PRIM2: variants seen among roughly 807,000 people sequenced by gnomAD.
PRIM2 encodes DNA primase subunit 2.
In PRIM2, 39 loss-of-function variants were observed where a neutral mutation model predicts 67.3. The ratio of observed to expected loss-of-function variants is 0.58; its 90% confidence interval spans 0.45 to 0.76. The LOEUF (loss-of-function observed/expected upper bound fraction) is 0.76. PRIM2 is among the 30% of genes least tolerant of loss of function. The pLI, the probability that PRIM2 is intolerant of heterozygous loss-of-function variation, is 0.00. For synonymous variants in PRIM2, 143 were observed against 198.7 expected, an observed-to-expected ratio of 0.72 and a Z score of 2.36; for missense variants, 398 against 598.7, an observed-to-expected ratio of 0.66 and a Z score of 3.50.
At chr6:57,529,032 C>T (rs1263302047) in intron 8 of PRIM2, among the ~76,000 whole-genome samples, 22 of 152,246 alleles carry the variant, frequency 1.4e-4, no homozygotes, top group Admixed American at 2.0e-4. Flanking sequence ...AAAAACCAGC[C>T]GGGCGCAGTG....
the PRIM2 span, among the ~76,000 whole-genome samples, chr6:57,237,248 T>G: frequency 6.6e-6 from 1 of 152,226 alleles, no homozygotes; most frequent in African/African-American, 2.4e-5. Context: ...CTTTGCCCAC[T>G]TCTTGATGTG....
At chr6:57,420,710 T>C (rs1771435201) in intron 7 of PRIM2, among the ~76,000 whole-genome samples, 1 of 152,162 alleles carries the variant, frequency 6.6e-6, no homozygotes, top group Admixed American at 6.5e-5. Flanking sequence ...CCAAAATCCA[T>C]GGGGACTTGG....
intron 10 of PRIM2, among the ~76,000 whole-genome samples, chr6:57,568,264 A>G (rs1775788316): frequency 2.6e-5 from 4 of 152,346 alleles, no homozygotes; most frequent in Middle Eastern, 6.8e-3. Context: ...CGTGACCAAT[A>G]ATGTCATTTA....
chr6:57,356,985 G>A (rs960372797), intron 5 of PRIM2, among the ~76,000 whole-genome samples: 1 of 147,306 alleles, frequency 6.8e-6, no homozygotes, highest in Non-Finnish European at 1.5e-5. Context: ...CCAGGCTGGA[G>A]TGTAGTGGTG....
chr6:57,475,519 CAT>C (rs1439699844), intron 7 of PRIM2, among the ~76,000 whole-genome samples: 7 of 152,184 alleles, frequency 4.6e-5, no homozygotes, highest in Non-Finnish European at 8.8e-5. Flanking sequence ...CATTTTGTAG[CAT>C]ATGTCAGTAC....
chr6:57,453,078 C>G (rs1772614564), intron 7 of PRIM2, among the ~76,000 whole-genome samples: 1 of 152,078 alleles, frequency 6.6e-6, no homozygotes, highest in Admixed American at 6.5e-5. Flanking sequence ...TCAGGTTTGT[C>G]AAAGATGAGA....
chr6:57,629,353 GT>G (rs1462520563), intron 12 of PRIM2, among the ~76,000 whole-genome samples: 3 of 152,112 alleles, frequency 2.0e-5, no homozygotes, highest in African/African-American at 7.2e-5. Flanking sequence ...TGGCTACTGC[GT>G]GATATTTTGG....
At chr6:57,240,555 G>T in the PRIM2 span, among the ~76,000 whole-genome samples, 1 of 152,120 alleles carries the variant, frequency 6.6e-6, no homozygotes, top group Admixed American at 6.5e-5. Context: ...TCAGGACCCA[G>T]GAAACAGGAG....
chr6:57,636,942 C>A (rs1364046252), intron 13 of PRIM2, among the ~76,000 whole-genome samples: 1 of 152,160 alleles, frequency 6.6e-6, no homozygotes, highest in Non-Finnish European at 1.5e-5. Flanking sequence ...GGTCCCTGAC[C>A]ACCATGTCTC....
chr6:57,253,101 G>C, the PRIM2 span, among the ~76,000 whole-genome samples: 1 of 152,048 alleles, frequency 6.6e-6, no homozygotes, highest in Admixed American at 6.6e-5. Context: ...AAAGGAGAGT[G>C]TTCAACTAAA....
At chr6:57,333,988 A>G (rs1768139956) in intron 5 of PRIM2, among the ~76,000 whole-genome samples, 1 of 152,230 alleles carries the variant, frequency 6.6e-6, no homozygotes, top group Non-Finnish European at 1.5e-5. Context: ...ATCATGTTGT[A>G]CAATGGGTCT....
intron 10 of PRIM2, among the ~76,000 whole-genome samples, chr6:57,569,419 A>G (rs1775819709): frequency 6.6e-6 from 1 of 152,222 alleles, no homozygotes; most frequent in African/African-American, 2.4e-5. Context: ...TGAAGAGCAT[A>G]ATTTTCTAAT....
chr6:57,241,951 C>T, the PRIM2 span, among the ~76,000 whole-genome samples: 3 of 152,134 alleles, frequency 2.0e-5, no homozygotes, highest in Non-Finnish European at 1.5e-5. Context: ...AGATTACAGG[C>T]GTCAGCCACT....
At chr6:57,343,462 T>A (rs1178557489) in intron 5 of PRIM2, among the ~76,000 whole-genome samples, 1 of 152,234 alleles carries the variant, frequency 6.6e-6, no homozygotes, top group East Asian at 1.9e-4. Context: ...TGTACCTTTT[T>A]ATATCTTTTG....
intron 10 of PRIM2, among the ~76,000 whole-genome samples, chr6:57,562,073 T>A: frequency 6.6e-6 from 1 of 152,274 alleles, no homozygotes; most frequent in Non-Finnish European, 1.5e-5. Flanking sequence ...ACACAACATT[T>A]ATCAACTAAG....
the PRIM2 span, among the ~76,000 whole-genome samples, chr6:57,268,426 CAT>C: frequency 1.3e-5 from 2 of 151,986 alleles, no homozygotes; most frequent in Non-Finnish European, 2.9e-5. Context: ...TAAAATATCA[CAT>C]GACATCAAAA....
intron 7 of PRIM2, among the ~76,000 whole-genome samples, chr6:57,487,664 T>A (rs1250384017): frequency 6.6e-6 from 1 of 151,320 alleles, no homozygotes; most frequent in African/African-American, 2.4e-5. Flanking sequence ...AATAATTTGA[T>A]TTTTTTTTAA....
chr6:57,234,935 G>C, the PRIM2 span, among the ~76,000 whole-genome samples: 3 of 152,196 alleles, frequency 2.0e-5, no homozygotes, highest in African/African-American at 2.4e-5. Flanking sequence ...CGCTTTGAAA[G>C]GCTGAGGCCA....
chr6:57,482,157 G>A (rs1395958288), intron 7 of PRIM2, among the ~76,000 whole-genome samples: 1 of 112,296 alleles, frequency 8.9e-6, no homozygotes, highest in East Asian at 2.5e-4. Context: ...AAATAATTTG[G>A]ATTTTTTTTT....
Sources: gnomAD v4.1 joint callset for allele counts (sites outside exome capture counted in the v4.1 genomes callset) on GRCh38, gnomAD v4.1.1 for gene constraint, MANE v1.5 for transcripts, NCBI Gene and HGNC (gene_info 2026-07-23, HGNC 2026-07-21) for gene names.